The following GALNT13 variants were observed in gnomAD, a reference collection of about 807,000 sequenced individuals.
GALNT13 encodes the protein polypeptide N-acetylgalactosaminyltransferase 13, also known as UDP-GalNAc:polypeptide N-acetylgalactosaminyltransferase 13.
GALNT13 carries 28 observed loss-of-function variants against 64.2 expected under a neutral mutation model. The observed-to-expected ratio is 0.44, with a 90% CI of 0.32 to 0.60. The LOEUF (loss-of-function observed/expected upper bound fraction) is 0.60. Ranked by LOEUF, GALNT13 falls within the 20% of genes least tolerant of loss-of-function variation. The pLI is 0.05. For synonymous variants in GALNT13, 214 were observed against 224.6 expected (o/e 0.95, Z 0.42); for missense variants, 577 against 669.8 (o/e 0.86, Z 1.53).
the GALNT13 span, among the ~76,000 whole-genome samples, chr2:153,312,782 A>G: frequency 1.3e-5 from 2 of 152,182 alleles, no homozygotes. Context: ...AGGTGGTGGT[A>G]TGTTCAAACT....
chr2:154,194,042 C>T (rs1352139937), intron 4 of GALNT13, among the ~76,000 whole-genome samples: 1 of 152,150 alleles, frequency 6.6e-6, no homozygotes, highest in Admixed American at 6.5e-5. Flanking sequence ...CTAGACTGCA[C>T]AGCAGAATCA....
At chr2:153,913,529 C>T (rs1689126317) in intron 2 of GALNT13, among the ~76,000 whole-genome samples, 1 of 152,168 alleles carries the variant, frequency 6.6e-6, no homozygotes, top group Non-Finnish European at 1.5e-5. Context: ...GACACTCCAA[C>T]ACCAAATCCT....
the GALNT13 span, among the ~76,000 whole-genome samples, chr2:153,658,435 C>CCATGT: frequency 6.6e-6 from 1 of 152,046 alleles, no homozygotes; most frequent in Admixed American, 6.6e-5. Flanking sequence ...TTTTATGTGA[C>CCATGT]CATGTCACTC....
At chr2:153,413,152 A>T in the GALNT13 span, among the ~76,000 whole-genome samples, 1 of 152,112 alleles carries the variant, frequency 6.6e-6, no homozygotes, top group African/African-American at 2.4e-5. Context: ...TTAAGGACAC[A>T]GGCAGCCCAA....
chr2:154,121,932 T>C (rs1044719559), intron 3 of GALNT13, among the ~76,000 whole-genome samples: 1 of 152,108 alleles, frequency 6.6e-6, no homozygotes, highest in East Asian at 1.9e-4. Context: ...TCCAATCTTG[T>C]GGAGGAAACC....
chr2:154,298,526 A>ACATATAT (rs1693096210), intron 8 of GALNT13, among the ~76,000 whole-genome samples: 4 of 88,218 alleles, frequency 4.5e-5, no homozygotes, highest in Non-Finnish European at 7.0e-5. Flanking sequence ...TATTATATAT[A>ACATATAT]AAATTGTATA....
At chr2:153,652,145 G>A in the GALNT13 span, among the ~76,000 whole-genome samples, 1 of 152,020 alleles carries the variant, frequency 6.6e-6, no homozygotes. Flanking sequence ...ATGTTGCATA[G>A]GTCATGCATA....
the GALNT13 span, among the ~76,000 whole-genome samples, chr2:153,297,496 G>T: frequency 2.0e-5 from 3 of 152,128 alleles, no homozygotes; most frequent in Non-Finnish European, 2.9e-5. Context: ...AACAGGGAGG[G>T]AAAAGAATAC....
At chr2:154,177,996 G>A (rs1685748197) in intron 4 of GALNT13, among the ~76,000 whole-genome samples, 1 of 152,140 alleles carries the variant, frequency 6.6e-6, no homozygotes, top group Non-Finnish European at 1.5e-5. Context: ...CAAGTTTTAG[G>A]AGCAGAATTG....
At chr2:153,119,502 A>C in the GALNT13 span, among the ~76,000 whole-genome samples, 18 of 152,320 alleles carry the variant, frequency 1.2e-4, no homozygotes, top group Non-Finnish European at 1.8e-4. Flanking sequence ...CCATGACCGC[A>C]ATATATAGTG....
At chr2:154,223,448 C>CTTTTTTTTTTTTT (rs61230257) in intron 4 of GALNT13, among the ~76,000 whole-genome samples, 208 of 124,212 alleles carry the variant, frequency 1.7e-3, no homozygotes, top group East Asian at 2.8e-3. Flanking sequence ...TTTTCTTTTT[C>CTTTTTTTTTTTTT]TTTTTTTTTT....
chr2:153,076,836 T>A, the GALNT13 span, among the ~76,000 whole-genome samples: 1 of 152,116 alleles, frequency 6.6e-6, no homozygotes. Flanking sequence ...GGCTTTATAA[T>A]ATGTTTTATT....
At chr2:153,656,231 T>A in the GALNT13 span, among the ~76,000 whole-genome samples, 1 of 152,024 alleles carries the variant, frequency 6.6e-6, no homozygotes, top group Non-Finnish European at 1.5e-5. Context: ...CAAAAGACAA[T>A]GAGCACACAT....
chr2:154,192,130 A>T (rs912948354), intron 4 of GALNT13, among the ~76,000 whole-genome samples: 9 of 152,232 alleles, frequency 5.9e-5, no homozygotes, highest in East Asian at 1.9e-4. Context: ...ACTGCGCATC[A>T]TTTCACCAGT....
At chr2:154,074,549 A>G (rs1700890603) in intron 3 of GALNT13, among the ~76,000 whole-genome samples, 1 of 151,908 alleles carries the variant, frequency 6.6e-6, no homozygotes, top group Admixed American at 6.6e-5. Context: ...GAGATTTGAG[A>G]ATAAGATAAG....
rs117937679 is a variant in GALNT13 at position 153,971,435 on chromosome 2, C to T, written c.142+26796C>T. 4.0e-3 allele frequency among the ~76,000 whole-genome samples: 606 copies of T among 152,134 alleles called. 8 individuals are homozygous for T. Among genetic ancestry groups the T allele is most frequent in the East Asian group, 0.026 (137 of 5,172 alleles). ...CTGCTGTATCTCCAGTGTCTAGAAG[C>T]GCTTGACACATCAGATATGTGAATG... On this transcript the variant is annotated intron_variant, in intron 3 of 12. Transcript: ENST00000392825.
intron 3 of GALNT13, among the ~76,000 whole-genome samples, chr2:153,949,857 G>A (rs1692040797): frequency 6.6e-6 from 1 of 152,008 alleles, no homozygotes; most frequent in Non-Finnish European, 1.5e-5. Context: ...GCAGATCAGT[G>A]GGGAAAAGAG....
chr2:153,545,986 C>T, the GALNT13 span, among the ~76,000 whole-genome samples: 3 of 152,254 alleles, frequency 2.0e-5, no homozygotes, highest in African/African-American at 4.8e-5. Context: ...CCCTGTGGTT[C>T]GGCACATGCC....
chr2:154,261,489 G>A (rs150307495), intron 8 of GALNT13, among the ~76,000 whole-genome samples: 10 of 152,222 alleles, frequency 6.6e-5, no homozygotes, highest in African/African-American at 2.4e-4. Context: ...TGCTAGAATA[G>A]TGCATTGACA....
Sources: allele counts gnomAD v4.1 joint callset (sites outside exome capture counted in the v4.1 genomes callset), GRCh38; gene constraint gnomAD v4.1.1; transcripts MANE v1.5; gene names NCBI Gene and HGNC (gene_info 2026-07-23, HGNC 2026-07-21).